The following ZNF714 variants were observed in gnomAD, a reference collection of about 807,000 sequenced individuals.
ZNF714 encodes the protein zinc finger protein 714.
Under a neutral mutation model 46.2 loss-of-function variants are expected in ZNF714, and 32 were observed. The ratio of observed to expected loss-of-function variants is 0.69; its 90% CI spans 0.52 to 0.93. The LOEUF (loss-of-function observed/expected upper bound fraction) is 0.93, where lower values mean the gene tolerates loss of function less well. Ranked by LOEUF, ZNF714 falls within the 40% of genes least tolerant of loss-of-function variation. The pLI is 0.00. For synonymous variants in ZNF714, 199 were observed against 213.1 expected (o/e 0.93, Z 0.58); for missense variants, 635 against 646.3 (o/e 0.98, Z 0.19).
intron 4 of ZNF714, among the ~76,000 whole-genome samples, chr19:21,101,478 G>A (rs1027143915): frequency 2.6e-5 from 4 of 152,142 alleles, no homozygotes; most frequent in African/African-American, 9.7e-5. Flanking sequence ...GCAGACACGA[G>A]GGCAGTGTCT....
In ZNF714 at chr19:21,121,021, A is replaced by T. The variant is rs1406818886; in HGVS notation, c.*2689A>T. On this transcript the variant is annotated 3_prime_UTR_variant, in exon 5 of 5. Transcript: ENST00000456283. ...CAAACAATCCAAACCTACACTTTTT[A>T]AAAATTTTTTGTTGTTGTTGTTCTT... 2 of 152,096 alleles carry T rather than the reference A, an allele frequency of 1.3e-5. No homozygotes were observed. Among genetic ancestry groups the T allele is most frequent in the Non-Finnish European group, 2.9e-5 (2 of 68,022 alleles). The allele number at this position is 152,096 out of a possible 1,614,324, so 9.4% of individuals were successfully genotyped here.
intron 2 of ZNF714, among the ~76,000 whole-genome samples, chr19:21,094,227 G>A (rs1968987891): frequency 6.6e-6 from 1 of 152,226 alleles, no homozygotes; most frequent in African/African-American, 2.4e-5. Flanking sequence ...CTGACCTCAG[G>A]TGATCCACCA....
At chr19:21,114,375 G>A (rs956625175) in intron 4 of ZNF714, among the ~76,000 whole-genome samples, 16 of 147,660 alleles carry the variant, frequency 1.1e-4, no homozygotes, top group African/African-American at 4.0e-4. Flanking sequence ...GATGGAGCTT[G>A]CAGTGAGCTG....
Position 21,102,694 on chromosome 19 carries a change from C to T in ZNF714, c.142+3784C>T, listed in dbSNP as rs553983525. On this transcript the variant is annotated intron_variant, in intron 4 of 4. Coordinates refer to ENST00000456283, the MANE Select transcript of ZNF714 (RefSeq NM_182515.4). ...TGCCACATAGTGCATGCCAATTATT[C>T]GAAATACCTGCCTTCCATGAGTACA... Among the ~76,000 whole-genome samples, 3 of 152,100 alleles carry T rather than the reference C, an allele frequency of 2.0e-5. No individual in the cohort carries two copies. The South Asian group carries it at 6.2e-4, about 32-fold the overall frequency.
chr19:21,086,253 A>G (rs1452229419), intron 2 of ZNF714, among the ~76,000 whole-genome samples: 2 of 152,224 alleles, frequency 1.3e-5, no homozygotes, highest in Non-Finnish European at 1.5e-5. Flanking sequence ...TACTAGAACA[A>G]GGTCCCAATT....
rs541549345 is a variant in ZNF714 at position 21,098,919 on chromosome 19, G to C, written c.142+9G>C. ...GGTGGATGAATCCCCAGGTAGGTGA[G>C]AGTGAACACAACAGATGACACAGAT... On this transcript the variant is annotated intron_variant, in intron 4 of 4. Transcript: ENST00000456283. 3 of 1,524,858 alleles carry C rather than the reference G, an allele frequency of 2.0e-6. No homozygotes were observed. Among genetic ancestry groups the C allele is most frequent in the African/African-American group, 1.4e-5 (1 of 71,986 alleles). 94.5% of individuals were successfully genotyped at this position (1,524,858 alleles called of 1,614,324 possible).
At chr19:21,099,323 G>A (rs762960030) in intron 4 of ZNF714, among the ~76,000 whole-genome samples, 9 of 151,862 alleles carry the variant, frequency 5.9e-5, no homozygotes, top group East Asian at 1.9e-4. Context: ...GATTACAGGC[G>A]CCTGCCACCA....
At chr19:21,101,354 C>CT (rs1285600822) in intron 4 of ZNF714, among the ~76,000 whole-genome samples, 1 of 152,158 alleles carries the variant, frequency 6.6e-6, no homozygotes, top group East Asian at 1.9e-4. Context: ...GGTCACAAGA[C>CT]TGCTCAGTCT....
rs1471452754 is a variant in ZNF714 at position 21,124,222 on chromosome 19, G to T, written c.*5890G>T. 6.6e-6 allele frequency: 1 copy of T among 152,086 alleles called. No homozygotes were observed. The highest frequency in any genetic ancestry group is 2.4e-5 in the African/African-American group (1 of 41,404). 9.4% of individuals were successfully genotyped at this position (152,086 alleles called of 1,614,324 possible). On this transcript the variant is annotated 3_prime_UTR_variant, in exon 5 of 5. Transcript: ENST00000456283. Reference sequence around the variant, plus strand: ...TAATAGCCCCAAAATACATATTTTTGATACTATTTAGCCAAGATTACCACA... The same window carrying T: ...TAATAGCCCCAAAATACATATTTTTTATACTATTTAGCCAAGATTACCACA...
chr19:21,104,028 C>T (rs572033975), intron 4 of ZNF714, among the ~76,000 whole-genome samples: 2 of 152,238 alleles, frequency 1.3e-5, no homozygotes, highest in African/African-American at 2.4e-5. Flanking sequence ...ACCCTCTCCG[C>T]GGCCCTTGAC....
At chr19:21,092,227 C>T (rs1327775132) in intron 2 of ZNF714, among the ~76,000 whole-genome samples, 1 of 152,102 alleles carries the variant, frequency 6.6e-6, no homozygotes, top group African/African-American at 2.4e-5. Context: ...CAGCTGCCAC[C>T]ACAGGATTCC....
rs1599560521 is a variant in ZNF714 at position 21,124,973 on chromosome 19, G to T, written c.*6641G>T. 1 of 135,284 alleles carries T rather than the reference G, an allele frequency of 7.4e-6. No individual in the cohort carries two copies. The highest frequency in any genetic ancestry group is 2.1e-4 in the East Asian group (1 of 4,728). The allele number at this position is 135,284 out of a possible 1,614,324, so 8.4% of individuals were successfully genotyped here. On this transcript the variant is annotated 3_prime_UTR_variant, in exon 5 of 5. Transcript: ENST00000456283. The stretch of plus-strand genomic sequence containing the variant: ...TTTTTTTTTTAAGGCCAGGTGTGGT[G>T]TCTTACACCTGTAATCCCAGCACTG...
chr19:21,085,713 A>G (rs543744526), intron 2 of ZNF714, among the ~76,000 whole-genome samples: 1 of 152,302 alleles, frequency 6.6e-6, no homozygotes, highest in African/African-American at 2.4e-5. Flanking sequence ...CACCCCAGCC[A>G]TGGAAGAAGC....
At chr19:21,083,479 C>T (rs1968704967) in intron 1 of ZNF714, among the ~76,000 whole-genome samples, 1 of 152,158 alleles carries the variant, frequency 6.6e-6, no homozygotes, top group African/African-American at 2.4e-5. Flanking sequence ...AATCTAACCT[C>T]CCGTCCCCCA....
Position 21,119,717 on chromosome 19 carries a change from CTG to C in ZNF714, c.*1389_*1390del, listed in dbSNP as rs1399063151. The C allele has an allele frequency of 6.6e-6, 1 of 152,138 alleles. No individual in the cohort carries two copies. The highest frequency in any genetic ancestry group is 1.5e-5 in the Non-Finnish European group (1 of 68,028). The allele number at this position is 152,138 out of a possible 1,614,324, so 9.4% of individuals were successfully genotyped here. Reference sequence around the variant, plus strand: ...AAAAAAATTTAATCCATAAGTAAGTCTGTGTAAATATCAGAATTTATGGTAGA... The same window carrying C: ...AAAAAAATTTAATCCATAAGTAAGTCTGTAAATATCAGAATTTATGGTAGA... On this transcript the variant is annotated 3_prime_UTR_variant, in exon 5 of 5. Transcript: ENST00000456283.
chr19:21,103,570 A>G (rs1034500648), intron 4 of ZNF714, among the ~76,000 whole-genome samples: 4 of 152,016 alleles, frequency 2.6e-5, no homozygotes, highest in African/African-American at 4.8e-5. Flanking sequence ...TGAGAAGAAA[A>G]AACAGTAAAA....
intron 4 of ZNF714, among the ~76,000 whole-genome samples, chr19:21,108,603 T>C (rs1969376012): frequency 6.6e-6 from 1 of 152,200 alleles, no homozygotes; most frequent in Non-Finnish European, 1.5e-5. Flanking sequence ...GTCCAGTTAC[T>C]CTTTGTCTTC....
chr19:21,083,618 C>T (rs185264651), intron 1 of ZNF714, among the ~76,000 whole-genome samples: 1 of 152,116 alleles, frequency 6.6e-6, no homozygotes, highest in African/African-American at 2.4e-5. Flanking sequence ...CTTTTGTATA[C>T]CATATTTTAA....
At position 21,082,260 on chromosome 19, in the gene ZNF714, C is replaced by A; in HGVS notation, c.-265C>A. 7.4e-7 allele frequency: 1 copy of A among 1,359,426 alleles called. No individual in the cohort carries two copies. The highest frequency in any genetic ancestry group is 1.0e-6 in the Non-Finnish European group (1 of 998,234). The allele number at this position is 1,359,426 out of a possible 1,614,324, so 84.2% of individuals were successfully genotyped here. A position where few individuals can be genotyped will look rare whatever the true frequency, so the allele number is the denominator to read the frequency against. ...CCTTCACTGCCCTGTGTCCTCTGCT[C>A]GCAGAGGCCCAGCCTCTGTGGCCCT... On this transcript the variant is annotated 5_prime_UTR_variant, in exon 1 of 5. Transcript: ENST00000456283.
Sources: allele counts gnomAD v4.1 joint callset (sites outside exome capture counted in the v4.1 genomes callset), GRCh38; gene constraint gnomAD v4.1.1; transcripts MANE v1.5; gene names NCBI Gene and HGNC (gene_info 2026-07-23, HGNC 2026-07-21).